The following RASGEF1B variants were observed in gnomAD, a reference collection of about 807,000 sequenced individuals.
RASGEF1B encodes ras-GEF domain-containing family member 1B.
Under a neutral mutation model 65.7 loss-of-function variants are expected in RASGEF1B, and 30 were observed. That is an observed-to-expected ratio of 0.46 (90% CI 0.34 to 0.62). The LOEUF is 0.62. Ranked by LOEUF, RASGEF1B falls within the 20% of genes least tolerant of loss-of-function variation. The pLI is 0.01. For missense variants in RASGEF1B, 495 were observed against 580.1 expected (o/e 0.85, Z 1.51); for synonymous variants, 175 against 194.8 (o/e 0.90, Z 0.85).
chr4:81,435,763 A>G (rs7658010), intron 10 of RASGEF1B, among the ~76,000 whole-genome samples: 19 of 139,470 alleles, frequency 1.4e-4, no homozygotes, highest in South Asian at 6.9e-4. Flanking sequence ...GCGTGAGCCA[A>G]CGCGCCTGGC....
intron 1 of RASGEF1B, among the ~76,000 whole-genome samples, chr4:81,466,487 C>T (rs553288220): frequency 8.5e-5 from 13 of 152,086 alleles, no homozygotes; most frequent in South Asian, 4.2e-4. Context: ...TTGCCAGGCG[C>T]GGTGGCTCAC....
In RASGEF1B at chr4:81,457,574, A is replaced by G; in HGVS notation, c.225T>C (p.His75=). Residue 75 remains histidine, a synonymous_variant, in exon 3 of 14, where the codon CAT becomes CAC. Coordinates refer to ENST00000264400, the MANE Select transcript of RASGEF1B (RefSeq NM_152545.3). ...TFLLSSRLFM[H]PYELMAKVCH... ...AAACTTTGGCCATTAGCTCATACGG[A>G]TGCATAAATAACCGAGAACTGAGTA... 1 of 1,614,100 alleles carries G rather than the reference A, an allele frequency of 6.2e-7. No homozygotes were observed. Among genetic ancestry groups the G allele is most frequent in the Non-Finnish European group, 8.5e-7 (1 of 1,179,980 alleles).
At chr4:81,462,730 A>T (rs1722690329) in intron 1 of RASGEF1B, among the ~76,000 whole-genome samples, 1 of 152,184 alleles carries the variant, frequency 6.6e-6, no homozygotes, top group Non-Finnish European at 1.5e-5. Flanking sequence ...GTGCTGGAAA[A>T]TGTCTTCACA....
intron 10 of RASGEF1B, among the ~76,000 whole-genome samples, chr4:81,435,183 G>C (rs1314295821): frequency 6.6e-6 from 1 of 151,858 alleles, no homozygotes; most frequent in South Asian, 2.1e-4. Flanking sequence ...AGGCCAAGGC[G>C]GGTGGATCAT....
intron 10 of RASGEF1B, among the ~76,000 whole-genome samples, chr4:81,439,162 ACT>A (rs1210903082): frequency 6.6e-6 from 1 of 152,132 alleles, no homozygotes; most frequent in Non-Finnish European, 1.5e-5. Flanking sequence ...GAATTGCCAC[ACT>A]GTCTTCCATA....
chr4:81,460,578 T>A (rs1256707316), intron 1 of RASGEF1B, among the ~76,000 whole-genome samples: 1 of 151,834 alleles, frequency 6.6e-6, no homozygotes, highest in Non-Finnish European at 1.5e-5. Flanking sequence ...GTGGGAGGGG[T>A]GTGGAGCCCT....
chr4:81,440,274 G>A (rs376923733), intron 10 of RASGEF1B, among the ~76,000 whole-genome samples: 3 of 152,106 alleles, frequency 2.0e-5, no homozygotes, highest in South Asian at 2.1e-4. Flanking sequence ...GATGCAGGAT[G>A]GTACTAACTT....
At chr4:81,450,525 C>T (rs1722218716) in intron 4 of RASGEF1B, among the ~76,000 whole-genome samples, 1 of 130,390 alleles carries the variant, frequency 7.7e-6, no homozygotes, top group Non-Finnish European at 1.6e-5. Flanking sequence ...GCCACCATAC[C>T]CAGCTAATTT....
At chr4:81,448,032 C>A (rs1049244265) in intron 5 of RASGEF1B, 37 bp downstream of exon 5, 2 of 1,563,830 alleles carry the variant, frequency 1.3e-6, no homozygotes, top group Non-Finnish European at 8.8e-7. Flanking sequence ...CAAAGCAAAT[C>A]TGTGGTTGTA....
At chr4:81,442,499 A>G (rs776107441) in intron 8 of RASGEF1B, 123 bp from the exon 9 acceptor site, 1 of 655,584 alleles carries the variant, frequency 1.5e-6, no homozygotes, top group South Asian at 1.8e-5. Context: ...TTAGTAAGTA[A>G]CAAACTCCAA....
chr4:81,454,553 A>G (rs1295607959), intron 4 of RASGEF1B: 2 of 152,196 alleles, frequency 1.3e-5, no homozygotes, highest in Non-Finnish European at 2.9e-5. Flanking sequence ...TGACCCTGCC[A>G]AGGAACTCCA....
At chr4:81,467,625 G>GTAA (rs1722886344) in intron 1 of RASGEF1B, among the ~76,000 whole-genome samples, 1 of 152,176 alleles carries the variant, frequency 6.6e-6, no homozygotes, top group South Asian at 2.1e-4. Context: ...CTTTGTAGCA[G>GTAA]TAACAGTGCT....
intron 6 of RASGEF1B, 114 bp downstream of exon 6, chr4:81,447,390 G>C: frequency 1.3e-6 from 1 of 795,792 alleles, no homozygotes; most frequent in Non-Finnish European, 2.0e-6. Flanking sequence ...AAAAAATTCT[G>C]ATTTTAAAAT....
chr4:81,463,046 T>C (rs1204123887), intron 1 of RASGEF1B, among the ~76,000 whole-genome samples: 2 of 152,208 alleles, frequency 1.3e-5, no homozygotes, highest in Non-Finnish European at 2.9e-5. Context: ...TTACACTACA[T>C]TATGATATGC....
intron 13 of RASGEF1B, among the ~76,000 whole-genome samples, chr4:81,430,256 C>G (rs896863700): frequency 6.6e-6 from 1 of 152,122 alleles, no homozygotes; most frequent in Non-Finnish European, 1.5e-5. Flanking sequence ...AGCCGAGATC[C>G]TCCCACTGCA....
chr4:81,464,108 C>T (rs953103222), intron 1 of RASGEF1B, among the ~76,000 whole-genome samples: 2 of 152,096 alleles, frequency 1.3e-5, no homozygotes, highest in African/African-American at 2.4e-5. Flanking sequence ...TTTCATCTTC[C>T]ACAACTAATA....
In RASGEF1B at chr4:81,457,483, T is replaced by C. The variant is rs766077070; in HGVS notation, c.300+16A>G. The C allele has an allele frequency of 6.2e-7, 1 of 1,608,166 alleles. No individual in the cohort carries two copies. Among genetic ancestry groups the C allele is most frequent in the Non-Finnish European group, 8.5e-7 (1 of 1,178,050 alleles). On this transcript the variant is annotated intron_variant, in intron 3 of 13. Transcript: ENST00000264400. ...AGTAAGCATTCCTAATAAAACAAAT[T>C]GTAATGTACCATTACCTTATCACTA...
chr4:81,464,855 C>G (rs1458266260), intron 1 of RASGEF1B, among the ~76,000 whole-genome samples: 1 of 151,968 alleles, frequency 6.6e-6, no homozygotes, highest in East Asian at 1.9e-4. Context: ...GAGGCTGAGG[C>G]GGGCGGATTA....
rs191886343 is a variant in RASGEF1B at position 81,469,675 on chromosome 4, A to G, written c.-7+2095T>C. ...TATATACACACACACACACACACATATAAATAATCTATTAGATGCTAAGCT... is the reference window on the plus strand; with the variant it reads ...TATATACACACACACACACACACATGTAAATAATCTATTAGATGCTAAGCT... On this transcript the variant is annotated intron_variant, in intron 1 of 13. Coordinates refer to ENST00000264400, the MANE Select transcript of RASGEF1B (RefSeq NM_152545.3). Among the ~76,000 whole-genome samples the G allele has an allele frequency of 2.2e-4, 33 of 152,178 alleles. 1 individual carries two copies. The highest frequency in any genetic ancestry group is 2.2e-3 in the Admixed American group (33 of 15,278).
Sources: gnomAD v4.1 joint callset for allele counts (sites outside exome capture counted in the v4.1 genomes callset) on GRCh38, gnomAD v4.1.1 for gene constraint, MANE v1.5 for transcripts, NCBI Gene and HGNC (gene_info 2026-07-23, HGNC 2026-07-21) for gene names.